NCK2: variants seen among roughly 807,000 people sequenced by gnomAD.
NCK2 encodes cytoplasmic protein NCK2.
NCK2 carries 16 observed loss-of-function variants against 33.9 expected under a neutral mutation model. That is an observed-to-expected ratio of 0.47 (90% CI 0.32 to 0.72). The LOEUF is 0.72. NCK2 is among the 30% of genes least tolerant of loss of function. NCK2 has a pLI of 0.03. For synonymous variants in NCK2, 273 were observed against 239.9 expected (o/e 1.14, Z -1.27); for missense variants, 418 against 537.3 (o/e 0.78, Z 2.19).
At chr2:105,785,875 C>T (rs1454855298) in intron 1 of NCK2, among the ~76,000 whole-genome samples, 1 of 152,128 alleles carries the variant, frequency 6.6e-6, no homozygotes, top group Non-Finnish European at 1.5e-5. Context: ...AATACGATAT[C>T]TAGTAGCAGT....
rs1256676885 is a variant in NCK2, at chr2:105,894,113, A to T, written c.*937A>T. ...AGAGACACACAGAATGTTTATGAAG[A>T]AATTGCATTTTCTTTTTCCTTTACA... On this transcript the variant is annotated 3_prime_UTR_variant, in exon 5 of 5. Transcript: ENST00000233154. 6.6e-6 allele frequency: 1 copy of T among 152,610 alleles called. No individual in the cohort carries two copies. Among genetic ancestry groups the T allele is most frequent in the Non-Finnish European group, 1.5e-5 (1 of 68,034 alleles). 9.5% of individuals were successfully genotyped at this position (152,610 alleles called of 1,614,324 possible).
intron 1 of NCK2, among the ~76,000 whole-genome samples, chr2:105,756,977 G>C (rs1286293038): frequency 6.6e-6 from 1 of 151,986 alleles, no homozygotes; most frequent in Non-Finnish European, 1.5e-5. Context: ...GGCTGATTTT[G>C]TATTTTTAGT....
At chr2:105,851,357 G>A (rs1456380041) in intron 2 of NCK2, among the ~76,000 whole-genome samples, 1 of 151,734 alleles carries the variant, frequency 6.6e-6, no homozygotes, top group African/African-American at 2.4e-5. Context: ...TCCGCCTCCC[G>A]GGTTCAAGCG....
chr2:105,854,971 T>C, intron 2 of NCK2, 77 bp from the exon 3 acceptor site: 1 of 1,126,588 alleles, frequency 8.9e-7, no homozygotes, highest in Non-Finnish European at 1.3e-6. Context: ...TGTCAGTGCC[T>C]AATTTTTCAA....
chr2:105,875,320 A>G (rs377702250), intron 3 of NCK2, among the ~76,000 whole-genome samples: 10 of 152,214 alleles, frequency 6.6e-5, no homozygotes, highest in East Asian at 1.9e-4. Flanking sequence ...TAGAGCAAAC[A>G]GAACATTGCA....
At chr2:105,842,156 G>A (rs1045673389) in intron 2 of NCK2, among the ~76,000 whole-genome samples, 1 of 152,054 alleles carries the variant, frequency 6.6e-6, no homozygotes, top group Non-Finnish European at 1.5e-5. Flanking sequence ...CGCGACCTCG[G>A]CTCACTGCAA....
At chr2:105,852,903 G>T (rs1387231384) in intron 2 of NCK2, among the ~76,000 whole-genome samples, 1 of 152,044 alleles carries the variant, frequency 6.6e-6, no homozygotes, top group Non-Finnish European at 1.5e-5. Context: ...CTTGAATATT[G>T]TATATATTAT....
intron 4 of NCK2, among the ~76,000 whole-genome samples, chr2:105,890,417 T>A (rs149590874): frequency 1.4e-4 from 22 of 152,358 alleles, no homozygotes; most frequent in African/African-American, 5.0e-4. Flanking sequence ...TGAGCCTGGC[T>A]TATAGTAAAC....
chr2:105,866,394 C>G (rs1488875973), intron 3 of NCK2, among the ~76,000 whole-genome samples: 1 of 152,218 alleles, frequency 6.6e-6, no homozygotes, highest in Non-Finnish European at 1.5e-5. Context: ...TCAGTACTAG[C>G]TGTCACAGTG....
At chr2:105,803,344 A>G (rs1674911996) in intron 1 of NCK2, among the ~76,000 whole-genome samples, 1 of 152,196 alleles carries the variant, frequency 6.6e-6, no homozygotes, top group Non-Finnish European at 1.5e-5. Flanking sequence ...AGGCACTGCT[A>G]TGTAGTCTCC....
intron 1 of NCK2, among the ~76,000 whole-genome samples, chr2:105,782,946 C>G (rs2104406241): frequency 6.6e-6 from 1 of 152,306 alleles, no homozygotes; most frequent in African/African-American, 2.4e-5. Flanking sequence ...GTGGCAGCCT[C>G]ACCTTTATTT....
At chr2:105,761,311 G>A (rs544794184) in intron 1 of NCK2, among the ~76,000 whole-genome samples, 5 of 152,310 alleles carry the variant, frequency 3.3e-5, no homozygotes, top group South Asian at 4.1e-4. Flanking sequence ...GACTTCCAGA[G>A]AATCTTTTTT....
intron 1 of NCK2, among the ~76,000 whole-genome samples, chr2:105,806,132 G>T (rs1675024767): frequency 1.3e-5 from 2 of 151,934 alleles, no homozygotes; most frequent in African/African-American, 4.8e-5. Flanking sequence ...TCAGATTTTG[G>T]AGCAATTTGT....
intron 2 of NCK2, among the ~76,000 whole-genome samples, chr2:105,843,040 C>T (rs1465894018): frequency 6.6e-6 from 1 of 152,154 alleles, no homozygotes; most frequent in Non-Finnish European, 1.5e-5. Flanking sequence ...TAGGAGAAAT[C>T]TTAAGTTCTA....
chr2:105,761,352 T>C (rs1403792824), intron 1 of NCK2, among the ~76,000 whole-genome samples: 1 of 152,078 alleles, frequency 6.6e-6, no homozygotes, highest in African/African-American at 2.4e-5. Flanking sequence ...CACCTTTCTC[T>C]TGGGTACAGA....
intron 1 of NCK2, among the ~76,000 whole-genome samples, chr2:105,810,921 A>G (rs1030400988): frequency 7.2e-5 from 11 of 152,140 alleles, no homozygotes; most frequent in African/African-American, 2.7e-4. Context: ...CACACCTGTA[A>G]TCTCAGCACT....
At chr2:105,762,252 C>G (rs778036531) in intron 1 of NCK2, among the ~76,000 whole-genome samples, 54 of 152,274 alleles carry the variant, frequency 3.5e-4, no homozygotes, top group Non-Finnish European at 6.2e-4. Flanking sequence ...TTGAAAGAGG[C>G]CTTGCCGAGG....
Position 105,818,736 on chromosome 2 carries a change from G to GT in NCK2, c.-17+2124dup, listed in dbSNP as rs1215999944. ...TCTATTATTTGCAGATTGTTTTAAA[G>GT]TAATCTTGAAACTATCATGTTGGAC... is the stretch of plus-strand genomic sequence containing the variant. On this transcript the variant is annotated intron_variant, in intron 2 of 4. Coordinates refer to ENST00000233154, the MANE Select transcript of NCK2 (RefSeq NM_003581.5). 3.9e-5 allele frequency among the ~76,000 whole-genome samples: 6 copies of GT among 152,292 alleles called. No homozygotes were observed. In the East Asian group the frequency reaches 9.6e-4, roughly 24 times the overall value.
At chr2:105,884,834 T>C (rs1678658783) in intron 4 of NCK2, among the ~76,000 whole-genome samples, 1 of 152,186 alleles carries the variant, frequency 6.6e-6, no homozygotes, top group Non-Finnish European at 1.5e-5. Context: ...CATCTACAAT[T>C]GTCATTTATC....
Sources: gnomAD v4.1 joint callset for allele counts (sites outside exome capture counted in the v4.1 genomes callset) on GRCh38, gnomAD v4.1.1 for gene constraint, MANE v1.5 for transcripts, NCBI Gene and HGNC (gene_info 2026-07-23, HGNC 2026-07-21) for gene names.